The following HIP1 variants were observed in gnomAD, a reference collection of about 807,000 sequenced individuals.
The protein encoded by HIP1 is huntingtin interacting protein 1.
Under a neutral mutation model 147.6 loss-of-function variants are expected in HIP1, and 65 were observed. The ratio of observed to expected loss-of-function variants is 0.44; its 90% confidence interval spans 0.36 to 0.54. The LOEUF is 0.54. Ranked by LOEUF, HIP1 falls within the 20% of genes least tolerant of loss-of-function variation. HIP1 has a pLI of 0.00. For missense variants in HIP1, 1,061 were observed against 1,299.6 expected (o/e 0.82, Z 2.82); for synonymous variants, 479 against 504.0 (o/e 0.95, Z 0.67).
chr7:75,583,155 C>T (rs1554498903), intron 5 of HIP1, among the ~76,000 whole-genome samples: 1 of 152,108 alleles, frequency 6.6e-6, no homozygotes, highest in Non-Finnish European at 1.5e-5. Context: ...CCCTCCTGCT[C>T]CCTCTCCTCC....
intron 1 of HIP1, among the ~76,000 whole-genome samples, chr7:75,609,890 T>G (rs1797364007): frequency 6.7e-6 from 1 of 150,066 alleles, no homozygotes. Flanking sequence ...CCTTCTTTCT[T>G]TTCTCTTCTT....
chr7:75,727,782 G>C (rs903971103), intron 1 of HIP1, among the ~76,000 whole-genome samples: 1 of 150,510 alleles, frequency 6.6e-6, no homozygotes, highest in African/African-American at 2.4e-5. Flanking sequence ...GGAGCAGGAG[G>C]TTGCAGTGAG....
Position 75,594,988 on chromosome 7 carries a change from G to A in HIP1, c.185-2474C>T, listed in dbSNP as rs111602635. On this transcript the variant is annotated intron_variant, in intron 2 of 30. Coordinates refer to ENST00000336926, the MANE Select transcript of HIP1 (RefSeq NM_005338.7). ...AGGCTTTACTCAGCAAGGCTAGGTC[G>A]CAAGTGCACTGTCATTTAGGGCAGA... 7.2e-5 allele frequency among the ~76,000 whole-genome samples: 11 copies of A among 152,244 alleles called. 1 individual carries two copies. The highest frequency in any genetic ancestry group is 1.2e-4 in the African/African-American group (5 of 41,534).
Position 75,724,518 on chromosome 7 carries a change from G to C in HIP1, c.120+14283C>G, listed in dbSNP as rs192495078. On this transcript the variant is annotated intron_variant, in intron 1 of 30. Coordinates refer to ENST00000336926, the MANE Select transcript of HIP1 (RefSeq NM_005338.7). Reference sequence around the variant, plus strand: ...CCGCCTTGCCCTCCCAAAGTGCTGGGATTACAGATGTGAGCCACTGCACCC... The same window carrying C: ...CCGCCTTGCCCTCCCAAAGTGCTGGCATTACAGATGTGAGCCACTGCACCC... Among the ~76,000 whole-genome samples, 22 of 151,958 alleles carry C rather than the reference G, an allele frequency of 1.4e-4. No homozygotes were observed. The East Asian group carries it at 4.1e-3, about 28-fold the overall frequency.
At chr7:75,588,495 G>A (rs1418626632) in intron 4 of HIP1, among the ~76,000 whole-genome samples, 1 of 152,138 alleles carries the variant, frequency 6.6e-6, no homozygotes, top group African/African-American at 2.4e-5. Context: ...AGGAGGAGAA[G>A]CAGGGCCAGA....
intron 1 of HIP1, among the ~76,000 whole-genome samples, chr7:75,659,912 G>A (rs555937369): frequency 1.3e-5 from 2 of 152,082 alleles, no homozygotes; most frequent in South Asian, 2.1e-4. Context: ...TGGATCACGA[G>A]GTCAAGAGAT....
At chr7:75,573,679 C>A in intron 8 of HIP1, 82 bp downstream of exon 8, 2 of 1,409,168 alleles carry the variant, frequency 1.4e-6, no homozygotes, top group South Asian at 1.3e-5. Flanking sequence ...AGAAGGACTG[C>A]GTTTCTCTGG....
At chr7:75,581,438 T>A in intron 6 of HIP1, 140 bp from the exon 7 acceptor site, 1 of 660,500 alleles carries the variant, frequency 1.5e-6, no homozygotes, top group South Asian at 1.8e-5. Context: ...CAGCTCCAAG[T>A]CTTAGCCTTG....
At chr7:75,685,349 G>A (rs974186311) in intron 1 of HIP1, among the ~76,000 whole-genome samples, 9 of 152,012 alleles carry the variant, frequency 5.9e-5, no homozygotes, top group Non-Finnish European at 1.0e-4. Flanking sequence ...TGCCCCAGCC[G>A]CTCCATCTAC....
chr7:75,700,948 G>A (rs1416153868), intron 1 of HIP1, among the ~76,000 whole-genome samples: 3 of 151,778 alleles, frequency 2.0e-5, no homozygotes, highest in Non-Finnish European at 2.9e-5. Context: ...CTCGTGATCC[G>A]CCCGTCTCGG....
chr7:75,637,320 C>T (rs1418295895), intron 1 of HIP1, among the ~76,000 whole-genome samples: 4 of 152,200 alleles, frequency 2.6e-5, no homozygotes, highest in African/African-American at 9.7e-5. Flanking sequence ...TCCTTGCAGG[C>T]CAAGCTTTGC....
At chr7:75,544,654 C>T in intron 27 of HIP1, 41 bp downstream of exon 27, 1 of 1,210,368 alleles carries the variant, frequency 8.3e-7, no homozygotes, top group Non-Finnish European at 1.2e-6. Context: ...TACTCTCTAA[C>T]CAGGCCTTCC....
chr7:75,730,883 C>T (rs1554522941), intron 1 of HIP1, among the ~76,000 whole-genome samples: 1 of 151,194 alleles, frequency 6.6e-6, no homozygotes, highest in African/African-American at 2.4e-5. Context: ...TACAGGCATG[C>T]ACCACCACGC....
intron 1 of HIP1, among the ~76,000 whole-genome samples, chr7:75,687,935 C>A (rs921603013): frequency 6.6e-6 from 1 of 152,050 alleles, no homozygotes; most frequent in African/African-American, 2.4e-5. Context: ...CTCTCTGGAG[C>A]GCTGGATTTT....
At chr7:75,549,140 G>C in intron 22 of HIP1, 139 bp from the exon 23 acceptor site, 1 of 581,490 alleles carries the variant, frequency 1.7e-6, no homozygotes, top group South Asian at 2.0e-5. Flanking sequence ...TTGTGGGGGG[G>C]TCTTTTGCAG....
rs533607572 is a variant in HIP1, at chr7:75,673,090, C to T, written c.120+65711G>A. ...AGGCTAGAGTGCAGTGGTGTGATCT[C>T]GGCTCACTGCAACTTCTGTCTCCTG... On this transcript the variant is annotated intron_variant, in intron 1 of 30. Coordinates refer to ENST00000336926, the MANE Select transcript of HIP1 (RefSeq NM_005338.7). Among the ~76,000 whole-genome samples, 244 of 148,130 alleles carry T rather than the reference C, an allele frequency of 1.6e-3. 1 individual carries two copies. Among genetic ancestry groups the T allele is most frequent in the Non-Finnish European group, 2.8e-3 (187 of 67,206 alleles).
At chr7:75,541,300 G>A (rs1794301212) in intron 29 of HIP1, among the ~76,000 whole-genome samples, 2 of 152,102 alleles carry the variant, frequency 1.3e-5, no homozygotes, top group South Asian at 2.1e-4. Context: ...GGAGGCCAAG[G>A]CAGGCAGATC....
chr7:75,692,516 G>A (rs1554518268), intron 1 of HIP1, among the ~76,000 whole-genome samples: 1 of 151,730 alleles, frequency 6.6e-6, no homozygotes, highest in Non-Finnish European at 1.5e-5. Flanking sequence ...TGCCCCCCAG[G>A]TTCAGACCAT....
chr7:75,543,043 T>G, intron 27 of HIP1, 69 bp from the exon 28 acceptor site: 2 of 1,508,076 alleles, frequency 1.3e-6, no homozygotes, highest in Non-Finnish European at 1.8e-6. Flanking sequence ...AGATAATTGC[T>G]CTGATGGTTC....
Sources: allele counts gnomAD v4.1 joint callset (sites outside exome capture counted in the v4.1 genomes callset), GRCh38; gene constraint gnomAD v4.1.1; transcripts MANE v1.5; gene names NCBI Gene and HGNC (gene_info 2026-07-23, HGNC 2026-07-21).